The following XG variants were observed in gnomAD, a reference collection of about 807,000 sequenced individuals.
XG encodes glycoprotein Xg.
Under a neutral mutation model 25.7 loss-of-function variants are expected in XG, and 24 were observed. That is an observed-to-expected ratio of 0.93 (90% CI 0.68 to 1.31). The LOEUF (loss-of-function observed/expected upper bound fraction) is 1.31. Among genes scored for constraint, XG ranks in the 40% most tolerant of loss-of-function variants. The pLI is 0.00. For missense variants in XG, 181 were observed against 187.6 expected, an observed-to-expected ratio of 0.96 and a Z score of 0.21; for synonymous variants, 77 against 69.2, an observed-to-expected ratio of 1.11 and a Z score of -0.56.
chrX:2,807,290 G>T (rs2087008260), intron 8 of XG, among the ~76,000 whole-genome samples: 1 of 113,183 alleles, frequency 8.8e-6, no homozygotes, highest in Non-Finnish European at 1.9e-5. Flanking sequence ...ACATTTAGGG[G>T]TGTGCAAGCA....
intron 4 of XG, among the ~76,000 whole-genome samples, chrX:2,788,534 A>G (rs1280521932): frequency 9.0e-6 from 1 of 111,701 alleles, no homozygotes; most frequent in Non-Finnish European, 1.9e-5. Flanking sequence ...AGGAGGGGTC[A>G]TGACAGAAGG....
intron 1 of XG, among the ~76,000 whole-genome samples, chrX:2,753,304 T>C (rs1211829323): frequency 6.6e-6 from 1 of 152,178 alleles, no homozygotes; most frequent in Non-Finnish European, 1.5e-5. Flanking sequence ...AATGTGGCCA[T>C]GCATTCATTA....
rs1238194781 is a variant in XG at position 2,755,005 on chromosome X, C to T, written c.61+2670C>T. Among the ~76,000 whole-genome samples the T allele has an allele frequency of 3.3e-5, 5 of 152,156 alleles. No homozygotes were observed. The East Asian group carries it at 5.8e-4, about 18-fold the overall frequency. ...GGATTTGGACGGGGGCAGCCGGCAG[C>T]GGAATCTGAGCTGTCCTGTAGCTCT... On this transcript the variant is annotated intron_variant, in intron 1 of 10. Coordinates refer to ENST00000644266, the MANE Select transcript of XG (RefSeq NM_001141919.2).
intron 3 of XG, 141 bp from the exon 4 acceptor site, chrX:2,781,925 G>T: frequency 1.9e-6 from 1 of 520,948 alleles, no homozygotes; most frequent in Non-Finnish European, 3.2e-6. Context: ...CCAGACAATG[G>T]CAATCTATAA....
chrX:2,756,031 G>A (rs1016462682), intron 1 of XG, among the ~76,000 whole-genome samples: 6 of 152,040 alleles, frequency 3.9e-5, no homozygotes, highest in African/African-American at 7.2e-5. Flanking sequence ...CACGTATCCC[G>A]GAACTTAAAA....
At chrX:2,772,688 A>AAT (rs1411782973) in intron 2 of XG, among the ~76,000 whole-genome samples, 2 of 152,222 alleles carry the variant, frequency 1.3e-5, no homozygotes, top group Admixed American at 6.5e-5. Context: ...GCACACTTTA[A>AAT]AATGTCAAAT....
intron 1 of XG, among the ~76,000 whole-genome samples, chrX:2,762,902 G>A (rs756102652): frequency 2.6e-5 from 4 of 152,332 alleles, no homozygotes; most frequent in East Asian, 1.9e-4. Context: ...CAGGCACCTC[G>A]CTGGCCTTGA....
intron 7 of XG, among the ~76,000 whole-genome samples, chrX:2,802,635 G>C (rs1266452544): frequency 9.2e-6 from 1 of 109,073 alleles, no homozygotes; most frequent in Admixed American, 9.9e-5. Context: ...TGTGTGGGAC[G>C]GCAGAGCTCG....
chrX:2,767,889 CT>C (rs1245280780), intron 1 of XG, among the ~76,000 whole-genome samples: 4 of 152,164 alleles, frequency 2.6e-5, no homozygotes, highest in Non-Finnish European at 5.9e-5. Flanking sequence ...CGTGCAGCAA[CT>C]TCTGGCTGTA....
At chrX:2,758,741 C>T (rs1197005667) in intron 1 of XG, among the ~76,000 whole-genome samples, 10 of 152,176 alleles carry the variant, frequency 6.6e-5, no homozygotes, top group South Asian at 2.1e-4. Flanking sequence ...GTGCACAGGA[C>T]GCCCCACAGA....
In XG at chrX:2,764,700, T is replaced by C. The variant is rs767769773; in HGVS notation, c.62-5850T>C. On this transcript the variant is annotated intron_variant, in intron 1 of 10. Coordinates refer to ENST00000644266, the MANE Select transcript of XG (RefSeq NM_001141919.2). Reference sequence around the variant, plus strand: ...AGCAGCTGACCCAAGAAAGTTGATTTAAATGAACCCACACTTCAGAGGAAA... The same window carrying C: ...AGCAGCTGACCCAAGAAAGTTGATTCAAATGAACCCACACTTCAGAGGAAA... Among the ~76,000 whole-genome samples, 90 of 152,090 alleles carry C rather than the reference T, an allele frequency of 5.9e-4. 1 individual carries two copies. The highest frequency in any genetic ancestry group is 2.1e-3 in the African/African-American group (89 of 41,502).
intron 5 of XG, among the ~76,000 whole-genome samples, chrX:2,792,537 CTT>C (rs2086846931): frequency 5.2e-5 from 4 of 77,178 alleles, no homozygotes; most frequent in African/African-American, 1.5e-4. Flanking sequence ...CTTTCTTTTT[CTT>C]TTTCTTTGTG....
rs2050589237 is a variant in XG at position 2,762,607 on chromosome X, A to C, written c.62-7943A>C. 2.6e-5 allele frequency among the ~76,000 whole-genome samples: 4 copies of C among 152,110 alleles called. No individual in the cohort carries two copies. The South Asian group carries it at 8.3e-4, about 32-fold the overall frequency. The stretch of plus-strand genomic sequence containing the variant: ...TATAAACTTCTTAACCAATTAGAGA[A>C]CAGAATGGATTTCATCTTATCCATG... On this transcript the variant is annotated intron_variant, in intron 1 of 10. Coordinates refer to ENST00000644266, the MANE Select transcript of XG (RefSeq NM_001141919.2).
intron 7 of XG, among the ~76,000 whole-genome samples, chrX:2,802,230 C>T (rs1348249296): frequency 9.0e-6 from 1 of 110,922 alleles, no homozygotes; most frequent in African/African-American, 3.3e-5. Flanking sequence ...TCATAGCTCA[C>T]TGCAGCCTCA....
At chrX:2,762,475 G>C (rs1233119490) in intron 1 of XG, among the ~76,000 whole-genome samples, 1 of 152,022 alleles carries the variant, frequency 6.6e-6, no homozygotes, top group African/African-American at 2.4e-5. Context: ...CTCAGCTCTG[G>C]TGTCTGCAGC....
At position 2,752,228 on chromosome X, in the gene XG, C is replaced by T. The variant is rs371842966; in HGVS notation, c.-47C>T. On this transcript the variant is annotated 5_prime_UTR_variant, in exon 1 of 11. Coordinates refer to ENST00000644266, the MANE Select transcript of XG (RefSeq NM_001141919.2). ...GGTGGAGAGGCCGGGTCTCACAATC[C>T]GCTTGGCTGGGGAGTCCACTGAGGT... 60 of 1,612,746 alleles carry T rather than the reference C, an allele frequency of 3.7e-5. No individual in the cohort carries two copies. The highest frequency in any genetic ancestry group is 2.2e-4 in the South Asian group (20 of 90,938).
intron 6 of XG, among the ~76,000 whole-genome samples, chrX:2,796,255 T>G (rs2086885212): frequency 9.3e-6 from 1 of 107,607 alleles, no homozygotes; most frequent in South Asian, 3.8e-4. Context: ...TATATATGTA[T>G]AAATATCTTA....
intron 1 of XG, among the ~76,000 whole-genome samples, chrX:2,754,665 G>A (rs1045921805): frequency 6.6e-6 from 1 of 152,184 alleles, no homozygotes; most frequent in Non-Finnish European, 1.5e-5. Context: ...GCCAGTCCAG[G>A]TTCCAAAACT....
intron 1 of XG, among the ~76,000 whole-genome samples, chrX:2,765,981 C>T (rs1315644311): frequency 6.6e-6 from 1 of 152,138 alleles, no homozygotes; most frequent in Non-Finnish European, 1.5e-5. Context: ...GAATGAAGAC[C>T]CCAAGTTACA....
Sources: gnomAD v4.1 joint callset for allele counts (sites outside exome capture counted in the v4.1 genomes callset) on GRCh38, gnomAD v4.1.1 for gene constraint, MANE v1.5 for transcripts, NCBI Gene and HGNC (gene_info 2026-07-23, HGNC 2026-07-21) for gene names.